Variants in RANBP17 observed in about 807,000 individuals in gnomAD.
RANBP17 encodes RAN binding protein 17.
A neutral mutation model predicts 141.2 loss-of-function variants in RANBP17; 158 were observed. That is an observed-to-expected ratio of 1.12 (90% CI 0.98 to 1.28). The LOEUF is 1.28. Ranked by LOEUF, RANBP17 falls within the 50% of genes most tolerant of loss-of-function variation. RANBP17 has a pLI of 0.00. For synonymous variants in RANBP17, 430 were observed against 450.0 expected, an observed-to-expected ratio of 0.96 and a Z score of 0.56; for missense variants, 1,438 against 1,290.7, an observed-to-expected ratio of 1.11 and a Z score of -1.75.
chr5:171,012,027 A>AT (rs1780077331), intron 14 of RANBP17, among the ~76,000 whole-genome samples: 1 of 151,436 alleles, frequency 6.6e-6, no homozygotes, highest in South Asian at 2.1e-4. Flanking sequence ...GTTTAAACAA[A>AT]TAATATATTT....
intron 14 of RANBP17, among the ~76,000 whole-genome samples, chr5:171,017,976 A>G (rs1780571953): frequency 6.6e-6 from 1 of 152,226 alleles, no homozygotes; most frequent in South Asian, 2.1e-4. Context: ...GCATATGGCT[A>G]GCCAGTTTTC....
At chr5:171,066,114 G>A (rs754782746) in intron 14 of RANBP17, among the ~76,000 whole-genome samples, 34 of 151,900 alleles carry the variant, frequency 2.2e-4, no homozygotes, top group Non-Finnish European at 3.4e-4. Flanking sequence ...TGCCCACCTC[G>A]GCCTCCCAAG....
intron 8 of RANBP17, 70 bp downstream of exon 8, chr5:170,914,310 C>T: frequency 1.0e-6 from 1 of 955,786 alleles, no homozygotes. Flanking sequence ...ATATTTACTT[C>T]AAAAATTCTG....
intron 24 of RANBP17, among the ~76,000 whole-genome samples, chr5:171,258,199 T>A (rs1393072962): frequency 1.3e-5 from 2 of 149,342 alleles, no homozygotes; most frequent in Admixed American, 1.3e-4. Flanking sequence ...GAAAGATCTC[T>A]ACAAGGAAAA....
chr5:171,276,385 T>C (rs1411055556), intron 25 of RANBP17, among the ~76,000 whole-genome samples: 2 of 152,228 alleles, frequency 1.3e-5, no homozygotes, highest in East Asian at 1.9e-4. Flanking sequence ...AGGGGAATTA[T>C]AATGTTTTAC....
At chr5:171,175,515 A>C (rs1047422722) in intron 16 of RANBP17, among the ~76,000 whole-genome samples, 17 of 152,164 alleles carry the variant, frequency 1.1e-4, no homozygotes, top group Non-Finnish European at 5.9e-5. Flanking sequence ...AGAATGGGAG[A>C]AAATTTTTTT....
At chr5:170,955,740 A>G (rs1775642274) in intron 13 of RANBP17, among the ~76,000 whole-genome samples, 1 of 143,666 alleles carries the variant, frequency 7.0e-6, no homozygotes, top group South Asian at 2.2e-4. Flanking sequence ...ATCTACATAA[A>G]GATATAATTA....
intron 14 of RANBP17, among the ~76,000 whole-genome samples, chr5:171,039,147 C>A (rs932909278): frequency 6.6e-6 from 1 of 151,972 alleles, no homozygotes; most frequent in African/African-American, 2.4e-5. Flanking sequence ...CTTGAGAAAT[C>A]TCCAGACTGT....
intron 5 of RANBP17, among the ~76,000 whole-genome samples, chr5:170,902,898 T>G (rs922314989): frequency 2.0e-5 from 3 of 152,138 alleles, no homozygotes; most frequent in Admixed American, 2.0e-4. Context: ...TCTGGAAGCT[T>G]TGTTCTAGAG....
chr5:171,202,275 A>G (rs902235961), intron 19 of RANBP17, among the ~76,000 whole-genome samples: 1 of 152,208 alleles, frequency 6.6e-6, no homozygotes, highest in Non-Finnish European at 1.5e-5. Context: ...CTAGCTTTAG[A>G]GTACTCTTTC....
At chr5:170,885,153 C>G (rs1223182825) in intron 3 of RANBP17, among the ~76,000 whole-genome samples, 1 of 152,134 alleles carries the variant, frequency 6.6e-6, no homozygotes, top group Admixed American at 6.6e-5. Context: ...AGATTTTCAG[C>G]TGACTTTAGC....
intron 14 of RANBP17, among the ~76,000 whole-genome samples, chr5:171,046,641 T>C (rs1216607692): frequency 6.6e-6 from 1 of 152,210 alleles, no homozygotes; most frequent in African/African-American, 2.4e-5. Flanking sequence ...TTATACAGCA[T>C]ATGATATGTA....
At chr5:171,156,895 G>A (rs558677847) in intron 14 of RANBP17, among the ~76,000 whole-genome samples, 14 of 152,148 alleles carry the variant, frequency 9.2e-5, no homozygotes, top group Non-Finnish European at 1.5e-4. Flanking sequence ...TTTCTCCGGG[G>A]CATTTTTCCC....
intron 14 of RANBP17, among the ~76,000 whole-genome samples, chr5:171,111,150 A>G (rs916812807): frequency 6.6e-6 from 1 of 152,088 alleles, no homozygotes; most frequent in Non-Finnish European, 1.5e-5. Context: ...AGGTCAGAGT[A>G]TTCTTCTTGT....
At chr5:171,059,304 A>G (rs184769141) in intron 14 of RANBP17, among the ~76,000 whole-genome samples, 1,991 of 152,240 alleles carry the variant, frequency 0.013, 43 homozygotes, top group African/African-American at 0.046. Context: ...TAGGTCTAAC[A>G]TTTAAGTCTT....
chr5:170,990,952 A>G (rs929055169), intron 14 of RANBP17, among the ~76,000 whole-genome samples: 1 of 151,958 alleles, frequency 6.6e-6, no homozygotes, highest in Non-Finnish European at 1.5e-5. Context: ...AGGAATAGCC[A>G]ACTAACCCCT....
chr5:171,129,149 T>C (rs1756717722), intron 14 of RANBP17, among the ~76,000 whole-genome samples: 1 of 152,112 alleles, frequency 6.6e-6, no homozygotes, highest in Non-Finnish European at 1.5e-5. Context: ...AACCTCAACG[T>C]TGAAAGGGAA....
At chr5:171,253,103 A>G in intron 24 of RANBP17, 1 of 654,536 alleles carries the variant, frequency 1.5e-6, no homozygotes, top group Non-Finnish European at 2.7e-6. Context: ...TGGGGGCAGT[A>G]GCACACTTTG....
At chr5:170,905,023 AT>A (rs1397093647) in intron 5 of RANBP17, among the ~76,000 whole-genome samples, 1 of 152,150 alleles carries the variant, frequency 6.6e-6, no homozygotes, top group East Asian at 1.9e-4. Flanking sequence ...TTTGTATTAA[AT>A]TTTTAAAATA....
Sources: gnomAD v4.1 joint callset for allele counts (sites outside exome capture counted in the v4.1 genomes callset) on GRCh38, gnomAD v4.1.1 for gene constraint, MANE v1.5 for transcripts, NCBI Gene and HGNC (gene_info 2026-07-23, HGNC 2026-07-21) for gene names.